The following CDK6 variants were observed in gnomAD, a reference collection of about 807,000 sequenced individuals.
CDK6 encodes cyclin-dependent kinase 6.
CDK6 carries 6 observed loss-of-function variants against 37.1 expected under a neutral mutation model. The ratio of observed to expected loss-of-function variants is 0.16; its 90% CI spans 0.09 to 0.32. CDK6 has a LOEUF of 0.32. Among genes scored for constraint, CDK6 ranks in the 10% least tolerant of loss-of-function variants. The probability of loss-of-function intolerance (pLI) is 1.00; values close to 1 mark genes in which losing one functional copy is unlikely to be tolerated. For synonymous variants in CDK6, 160 were observed against 161.3 expected (o/e 0.99, Z 0.06); for missense variants, 224 against 418.9 (o/e 0.53, Z 4.06).
chr7:92,656,609 A>C (rs1327169210), intron 5 of CDK6, among the ~76,000 whole-genome samples: 1 of 152,216 alleles, frequency 6.6e-6, no homozygotes, highest in Non-Finnish European at 1.5e-5. Flanking sequence ...TAAATGTTAC[A>C]CCACACTTTA....
At chr7:92,806,201 C>G (rs985802013) in intron 2 of CDK6, among the ~76,000 whole-genome samples, 1 of 152,172 alleles carries the variant, frequency 6.6e-6, no homozygotes, top group Non-Finnish European at 1.5e-5. Flanking sequence ...ACAGAAGCTT[C>G]TAATCCTCAA....
intron 3 of CDK6, among the ~76,000 whole-genome samples, chr7:92,748,463 G>A (rs889824227): frequency 4.6e-5 from 7 of 152,152 alleles, no homozygotes; most frequent in South Asian, 2.1e-4. Flanking sequence ...GCACATGGAC[G>A]TAACTAGAAA....
intron 2 of CDK6, among the ~76,000 whole-genome samples, chr7:92,811,878 C>T (rs961694994): frequency 1.1e-4 from 16 of 152,200 alleles, no homozygotes; most frequent in East Asian, 7.7e-4. Flanking sequence ...AAGGGCGAGG[C>T]GCAGCAGCTC....
intron 5 of CDK6, 126 bp downstream of exon 5, chr7:92,671,300 G>A (rs146365826): frequency 4.5e-5 from 24 of 530,714 alleles, no homozygotes; most frequent in African/African-American, 4.1e-4. Context: ...GCAAGTGGTA[G>A]CCTGGGGTAG....
chr7:92,779,406 G>A (rs982106510), intron 2 of CDK6, among the ~76,000 whole-genome samples: 1 of 152,172 alleles, frequency 6.6e-6, no homozygotes, highest in Admixed American at 6.5e-5. Context: ...ATAGTCCATA[G>A]AGCAGAACAT....
Position 92,744,990 on chromosome 7 carries a change from T to C in CDK6, c.370-19197A>G, listed in dbSNP as rs576341250. Among the ~76,000 whole-genome samples, 232 of 152,248 alleles carry C rather than the reference T, an allele frequency of 1.5e-3. 2 individuals carry two copies. Among genetic ancestry groups the C allele is most frequent in the African/African-American group, 5.1e-3 (213 of 41,536 alleles). The stretch of plus-strand genomic sequence containing the variant: ...ATTTTTAATTGACAAATAATAACTA[T>C]ATATATATTCATGAGGTGCAATGTG... On this transcript the variant is annotated intron_variant, in intron 3 of 7. Transcript: ENST00000424848.
chr7:92,625,570 A>C (rs187292972), intron 5 of CDK6, among the ~76,000 whole-genome samples: 245 of 152,026 alleles, frequency 1.6e-3, no homozygotes, highest in South Asian at 4.8e-3. Context: ...AACAAAAAAA[A>C]CCAAAAACCT....
intron 2 of CDK6, among the ~76,000 whole-genome samples, chr7:92,824,314 A>G (rs1467827228): frequency 6.6e-6 from 1 of 152,094 alleles, no homozygotes; most frequent in Non-Finnish European, 1.5e-5. Flanking sequence ...CAGAAATTCC[A>G]AAGTATGACA....
chr7:92,745,606 C>A (rs902508855), intron 3 of CDK6, among the ~76,000 whole-genome samples: 3 of 152,080 alleles, frequency 2.0e-5, no homozygotes, highest in African/African-American at 7.2e-5. Context: ...GCTCTTTGAA[C>A]CTCTTTAATA....
chr7:92,611,831 T>C lies in CDK6; in HGVS notation c.*3309A>G, dbSNP rs773483142. ...ATAATTTTCAACTATTTTTAGTAAGTCACCTGGGGCTAAATGAAAAGTCTG... is the reference window on the plus strand; with the variant it reads ...ATAATTTTCAACTATTTTTAGTAAGCCACCTGGGGCTAAATGAAAAGTCTG... On this transcript the variant is annotated 3_prime_UTR_variant, in exon 8 of 8. Coordinates refer to ENST00000424848, the MANE Select transcript of CDK6 (RefSeq NM_001145306.2). 43 of 231,796 alleles carry C rather than the reference T, an allele frequency of 1.9e-4. No homozygotes were observed. The highest frequency in any genetic ancestry group is 3.1e-4 in the Non-Finnish European group (36 of 117,234). The allele number at this position is 231,796 out of a possible 1,614,324, so 14.4% of individuals were successfully genotyped here.
chr7:92,804,229 A>G (rs1249854388), intron 2 of CDK6, among the ~76,000 whole-genome samples: 1 of 152,196 alleles, frequency 6.6e-6, no homozygotes, highest in East Asian at 1.9e-4. Context: ...CCCTCTTATA[A>G]GAACCAGTCA....
At chr7:92,700,288 ACATTTG>A (rs1435132065) in intron 4 of CDK6, among the ~76,000 whole-genome samples, 2 of 152,352 alleles carry the variant, frequency 1.3e-5, no homozygotes, top group Middle Eastern at 3.4e-3. Flanking sequence ...GCATTATTCT[ACATTTG>A]CATTCTGGTA....
chr7:92,808,404 C>T (rs1800782399), intron 2 of CDK6, among the ~76,000 whole-genome samples: 1 of 152,174 alleles, frequency 6.6e-6, no homozygotes, highest in Non-Finnish European at 1.5e-5. Context: ...ATGCTTGATA[C>T]CATAAGGTAT....
chr7:92,669,732 G>C (rs1013878191), intron 5 of CDK6, among the ~76,000 whole-genome samples: 2 of 152,214 alleles, frequency 1.3e-5, no homozygotes, highest in African/African-American at 4.8e-5. Flanking sequence ...CCTGGCCCCA[G>C]CCCAGTAATG....
intron 3 of CDK6, among the ~76,000 whole-genome samples, chr7:92,772,978 T>C (rs1799754964): frequency 6.6e-6 from 1 of 152,160 alleles, no homozygotes; most frequent in Non-Finnish European, 1.5e-5. Context: ...CCAAATAACT[T>C]TGAACTTAGA....
chr7:92,706,473 A>C (rs747994724), intron 4 of CDK6, among the ~76,000 whole-genome samples: 12 of 152,240 alleles, frequency 7.9e-5, no homozygotes, highest in Non-Finnish European at 1.5e-4. Context: ...GTTACTTTCC[A>C]GTCATCTGCC....
chr7:92,810,421 G>A (rs1480731611), intron 2 of CDK6, among the ~76,000 whole-genome samples: 1 of 152,218 alleles, frequency 6.6e-6, no homozygotes, highest in Admixed American at 6.5e-5. Context: ...TCTGCCAGCA[G>A]ACAGTTGACC....
intron 5 of CDK6, among the ~76,000 whole-genome samples, chr7:92,659,817 C>A (rs940637901): frequency 6.6e-6 from 1 of 152,090 alleles, no homozygotes; most frequent in African/African-American, 2.4e-5. Context: ...ATGGCTTTCT[C>A]AAAGAATATC....
At chr7:92,809,987 C>T (rs758552746) in intron 2 of CDK6, among the ~76,000 whole-genome samples, 4 of 152,148 alleles carry the variant, frequency 2.6e-5, no homozygotes, top group South Asian at 2.1e-4. Context: ...TTCTCAGTAA[C>T]GCAGGGTAGG....
Sources: allele counts gnomAD v4.1 joint callset (sites outside exome capture counted in the v4.1 genomes callset), GRCh38; gene constraint gnomAD v4.1.1; transcripts MANE v1.5; gene names NCBI Gene and HGNC (gene_info 2026-07-23, HGNC 2026-07-21).